Variants in MSRA observed in about 807,000 individuals in gnomAD.
The protein encoded by MSRA is mitochondrial peptide methionine sulfoxide reductase.
Under a neutral mutation model 31.3 loss-of-function variants are expected in MSRA, and 54 were observed. The ratio of observed to expected loss-of-function variants is 1.73; its 90% CI spans 1.39 to 2.17. MSRA has a LOEUF of 2.17. MSRA is among the 30% of genes most tolerant of loss of function. The pLI is 0.00. For synonymous variants in MSRA, 169 were observed against 116.5 expected, an observed-to-expected ratio of 1.45 and a Z score of -2.90; for missense variants, 507 against 300.9, an observed-to-expected ratio of 1.69 and a Z score of -5.07.
At chr8:10,396,338 A>G (rs781185702) in intron 5 of MSRA, among the ~76,000 whole-genome samples, 2 of 152,180 alleles carry the variant, frequency 1.3e-5, no homozygotes, top group Non-Finnish European at 2.9e-5. Flanking sequence ...AGAGCTATGA[A>G]GGAATATGTA....
At chr8:10,078,084 A>G (rs969498581) in intron 1 of MSRA, among the ~76,000 whole-genome samples, 19 of 152,248 alleles carry the variant, frequency 1.2e-4, no homozygotes, top group African/African-American at 4.1e-4. Context: ...TTAATTTAGA[A>G]CTGCCCTAAA....
At chr8:10,314,608 T>C (rs1046821468) in intron 4 of MSRA, among the ~76,000 whole-genome samples, 3 of 152,242 alleles carry the variant, frequency 2.0e-5, no homozygotes, top group South Asian at 2.1e-4. Flanking sequence ...TGTACTTAAG[T>C]TGAAGACATG....
At chr8:10,165,078 T>C (rs1220525674) in intron 1 of MSRA, among the ~76,000 whole-genome samples, 1 of 152,110 alleles carries the variant, frequency 6.6e-6, no homozygotes, top group East Asian at 1.9e-4. Context: ...TAAATCAGAC[T>C]CTTGGAGAGT....
At chr8:10,122,466 G>C (rs1249322383) in intron 1 of MSRA, among the ~76,000 whole-genome samples, 1 of 151,978 alleles carries the variant, frequency 6.6e-6, no homozygotes, top group African/African-American at 2.4e-5. Context: ...GTGCTCTGTG[G>C]TCTGATTAGG....
chr8:10,123,592 C>G (rs1801282814), intron 1 of MSRA, among the ~76,000 whole-genome samples: 2 of 152,008 alleles, frequency 1.3e-5, no homozygotes, highest in Non-Finnish European at 2.9e-5. Context: ...AAATCTTTGC[C>G]CATTCCTATG....
At chr8:10,223,745 A>G (rs976365240) in intron 2 of MSRA, among the ~76,000 whole-genome samples, 29 of 152,196 alleles carry the variant, frequency 1.9e-4, no homozygotes, top group Admixed American at 1.3e-4. Flanking sequence ...TGTAGTTAAG[A>G]TGAATGCCAA....
chr8:10,381,615 C>T (rs1055921018), intron 5 of MSRA, among the ~76,000 whole-genome samples: 2 of 152,204 alleles, frequency 1.3e-5, no homozygotes, highest in African/African-American at 4.8e-5. Context: ...GCCCTCAAAC[C>T]TTGTGGGTGG....
At chr8:10,232,453 C>T (rs1811573360) in intron 2 of MSRA, among the ~76,000 whole-genome samples, 1 of 152,124 alleles carries the variant, frequency 6.6e-6, no homozygotes, top group South Asian at 2.1e-4. Context: ...GTAGTGAACC[C>T]ATAGGACATG....
chr8:10,083,737 A>T (rs766203746), intron 1 of MSRA, among the ~76,000 whole-genome samples: 3 of 152,042 alleles, frequency 2.0e-5, no homozygotes, highest in African/African-American at 7.2e-5. Context: ...TTTTCCCTAA[A>T]CAGTGATTTT....
In MSRA at chr8:10,322,199, A is replaced by G. The variant is rs79544741; in HGVS notation, c.543+2210A>G. Among the ~76,000 whole-genome samples, 41 of 151,130 alleles carry G rather than the reference A, an allele frequency of 2.7e-4. No homozygotes were observed. The East Asian group carries it at 7.7e-3, about 28-fold the overall frequency. ...TGTTCTATTTGACTCAAGCAGACCT[A>G]TGAGGATGAGGGAGACCCCATTATC... On this transcript the variant is annotated intron_variant, in intron 5 of 5. Transcript: ENST00000317173.
At chr8:10,367,822 G>T (rs528064938) in intron 5 of MSRA, among the ~76,000 whole-genome samples, 12 of 152,360 alleles carry the variant, frequency 7.9e-5, no homozygotes, top group African/African-American at 2.4e-4. Flanking sequence ...GGGTAACTGG[G>T]ATGAGGCAGG....
In MSRA at chr8:10,083,456, A is replaced by G. The variant is rs528334931; in HGVS notation, c.142+28798A>G. Among the ~76,000 whole-genome samples the G allele has an allele frequency of 1.9e-4, 29 of 152,366 alleles. 1 individual carries two copies. The highest frequency in any genetic ancestry group is 5.5e-4 in the African/African-American group (23 of 41,586). On this transcript the variant is annotated intron_variant, in intron 1 of 5. Transcript: ENST00000317173. ...ATCCAAATATAATTTACTCACAATG[A>G]TGGAGAAATATTTGATATCCACGGA...
At chr8:10,054,694 C>G in intron 1 of MSRA, 36 bp downstream of exon 1, 1 of 1,482,308 alleles carries the variant, frequency 6.7e-7, no homozygotes, top group Non-Finnish European at 9.0e-7. Context: ...CGGGCGGCGA[C>G]GCTGCGCATG....
At position 10,350,843 on chromosome 8, in the gene MSRA, T is replaced by C. The variant is rs188713761; in HGVS notation, c.543+30854T>C. 2.0e-3 allele frequency among the ~76,000 whole-genome samples: 298 copies of C among 152,336 alleles called. 3 individuals are homozygous for C. The highest frequency in any genetic ancestry group is 6.6e-3 in the African/African-American group (275 of 41,584). On this transcript the variant is annotated intron_variant, in intron 5 of 5. Transcript: ENST00000317173. ...CCCTCTTCCAGTTCCCAGGGTCGCTTCAGGCTGTCCCAGCCCTCTGCCTAG... is the reference window on the plus strand; with the variant it reads ...CCCTCTTCCAGTTCCCAGGGTCGCTCCAGGCTGTCCCAGCCCTCTGCCTAG...
intron 1 of MSRA, among the ~76,000 whole-genome samples, chr8:10,114,513 A>G (rs1013495840): frequency 1.4e-5 from 2 of 140,922 alleles, no homozygotes; most frequent in African/African-American, 2.6e-5. Flanking sequence ...TATTATTATT[A>G]TTTTTTAAAT....
intron 3 of MSRA, among the ~76,000 whole-genome samples, chr8:10,256,597 A>T (rs12547261): frequency 0.21 from 32,022 of 152,058 alleles, 4,231 homozygotes; most frequent in Admixed American, 0.33. Flanking sequence ...ATTGAAACTT[A>T]CTTTTCTTTT....
At chr8:10,335,368 T>C (rs189718657) in intron 5 of MSRA, among the ~76,000 whole-genome samples, 3 of 150,344 alleles carry the variant, frequency 2.0e-5, no homozygotes, top group Non-Finnish European at 4.4e-5. Context: ...CAGATTCCAT[T>C]TACCTTGGCC....
At chr8:10,284,646 C>T (rs1457846646) in intron 3 of MSRA, among the ~76,000 whole-genome samples, 1 of 152,142 alleles carries the variant, frequency 6.6e-6, no homozygotes, top group Non-Finnish European at 1.5e-5. Context: ...CCTCATCTTC[C>T]TTCTTTAGCA....
chr8:10,316,647 T>A (rs745383824), intron 4 of MSRA, among the ~76,000 whole-genome samples: 1 of 149,694 alleles, frequency 6.7e-6, no homozygotes, highest in African/African-American at 2.5e-5. Context: ...TCCATTCATT[T>A]ATTCAGTGTT....
Sources: allele counts gnomAD v4.1 joint callset (sites outside exome capture counted in the v4.1 genomes callset), GRCh38; gene constraint gnomAD v4.1.1; transcripts MANE v1.5; gene names NCBI Gene and HGNC (gene_info 2026-07-23, HGNC 2026-07-21).